The following FAM227A variants were observed in gnomAD, a reference collection of about 807,000 sequenced individuals.
FAM227A encodes family with sequence similarity 227 member A.
Under a neutral mutation model 74.7 loss-of-function variants are expected in FAM227A, and 80 were observed. The observed-to-expected ratio is 1.07, with a 90% CI of 0.89 to 1.29. The LOEUF (loss-of-function observed/expected upper bound fraction) is 1.29, where lower values mean the gene tolerates loss of function less well. FAM227A is among the 50% of genes most tolerant of loss of function. The pLI is 0.00. For synonymous variants in FAM227A, 237 were observed against 241.8 expected, an observed-to-expected ratio of 0.98 and a Z score of 0.19; for missense variants, 654 against 683.4, an observed-to-expected ratio of 0.96 and a Z score of 0.48.
intron 1 of FAM227A, among the ~76,000 whole-genome samples, chr22:38,654,817 G>C (rs905847968): frequency 6.0e-5 from 9 of 150,824 alleles, no homozygotes; most frequent in African/African-American, 2.2e-4. Context: ...GCTTGGTGGC[G>C]GGCGCCTGTA....
At chr22:38,591,353 A>T in intron 16 of FAM227A, 82 bp downstream of exon 16, 1 of 1,485,868 alleles carries the variant, frequency 6.7e-7, no homozygotes, top group Non-Finnish European at 8.9e-7. Flanking sequence ...AATAATTATT[A>T]TTCTTACATG....
chr22:38,627,606 TG>T (rs1048088874), intron 8 of FAM227A, among the ~76,000 whole-genome samples: 62 of 150,942 alleles, frequency 4.1e-4, no homozygotes, highest in African/African-American at 1.4e-3. Flanking sequence ...GTTTTTTTTT[TG>T]TTTGTTTGTT....
At chr22:38,604,742 C>T (rs2091248893) in intron 13 of FAM227A, among the ~76,000 whole-genome samples, 1 of 152,164 alleles carries the variant, frequency 6.6e-6, no homozygotes, top group Non-Finnish European at 1.5e-5. Context: ...CAACATCCGC[C>T]TCCCAGGTTC....
rs1030669743 is a variant in FAM227A at position 38,578,799 on chromosome 22, A to G, written c.*7326T>C. 3 of 152,258 alleles carry G rather than the reference A, an allele frequency of 2.0e-5. No individual in the cohort carries two copies. The highest frequency in any genetic ancestry group is 4.4e-5 in the Non-Finnish European group (3 of 68,068). 9.4% of individuals were successfully genotyped at this position (152,258 alleles called of 1,614,324 possible). On this transcript the variant is annotated 3_prime_UTR_variant, in exon 17 of 17. Transcript: ENST00000535113. ...ACAGAGGCTTATTTGGGGAACTGCAAGTGGTTCTGGTGGAGGATTTTAATT... is the reference window on the plus strand; with the variant it reads ...ACAGAGGCTTATTTGGGGAACTGCAGGTGGTTCTGGTGGAGGATTTTAATT...
chr22:38,588,865 T>C (rs1467693369), intron 16 of FAM227A, among the ~76,000 whole-genome samples: 2 of 147,478 alleles, frequency 1.4e-5, no homozygotes, highest in African/African-American at 5.0e-5. Flanking sequence ...GAGGCGGAGG[T>C]TGCAGTGAGC....
rs560341152 is a variant in FAM227A at position 38,642,141 on chromosome 22, A to G, written c.226-2417T>C. On this transcript the variant is annotated intron_variant, in intron 3 of 16. Coordinates refer to ENST00000535113, the MANE Select transcript of FAM227A (RefSeq NM_001013647.2). ...TAATAAGTAAAGCTGAATAAACTGA[A>G]AAATCAACAACTCTTCTTAGATCAT... 4.8e-4 allele frequency among the ~76,000 whole-genome samples: 73 copies of G among 152,362 alleles called. 2 individuals are homozygous for G. The South Asian group carries it at 0.015, about 31-fold the overall frequency.
chr22:38,636,775 T>C (rs1453323109), intron 5 of FAM227A, among the ~76,000 whole-genome samples, 178 bp from the exon 6 acceptor site: 3 of 150,102 alleles, frequency 2.0e-5, no homozygotes, highest in Middle Eastern at 3.5e-3. Context: ...TATTTCTTTT[T>C]TTTTTTTTTT....
intron 8 of FAM227A, 28 bp from the exon 9 acceptor site, chr22:38,626,331 G>A (rs774616530): frequency 1.2e-5 from 18 of 1,542,282 alleles, no homozygotes; most frequent in South Asian, 4.9e-5. Context: ...CTCAGGCAAC[G>A]TTCTCAACAT....
At chr22:38,626,891 A>AATATATATAT (rs1555966997) in intron 8 of FAM227A, among the ~76,000 whole-genome samples, 35 of 57,676 alleles carry the variant, frequency 6.1e-4, no homozygotes, top group African/African-American at 9.6e-4. Flanking sequence ...AAAAAAAAAA[A>AATATATATAT]ATATATATAT....
chr22:38,643,089 TGG>T (rs2145693795), intron 3 of FAM227A, among the ~76,000 whole-genome samples: 1 of 150,322 alleles, frequency 6.7e-6, no homozygotes, highest in South Asian at 2.1e-4. Context: ...CCGAGGCGGG[TGG>T]AACACCTGAG....
intron 3 of FAM227A, among the ~76,000 whole-genome samples, chr22:38,643,315 CAA>C (rs71326719): frequency 3.1e-5 from 4 of 127,318 alleles, no homozygotes; most frequent in African/African-American, 2.9e-5. Context: ...GATTCTGTCT[CAA>C]AAAAAAAAAA....
chr22:38,602,638 G>A (rs534325021), intron 13 of FAM227A, among the ~76,000 whole-genome samples: 1 of 152,068 alleles, frequency 6.6e-6, no homozygotes, highest in Non-Finnish European at 1.5e-5. Context: ...TGCTACTGAC[G>A]ACAGACAGCA....
Position 38,649,989 on chromosome 22 carries a change from A to G in FAM227A, c.142+38T>C, listed in dbSNP as rs1189681938. Reference sequence around the variant, plus strand: ...CTGTGGCATGACTCAAGTTAGGTGTATTTGGTCTGATTGTAGGTGACATCA... The same window carrying G: ...CTGTGGCATGACTCAAGTTAGGTGTGTTTGGTCTGATTGTAGGTGACATCA... On this transcript the variant is annotated intron_variant, in intron 2 of 16. Transcript: ENST00000535113. 18 of 1,548,106 alleles carry G rather than the reference A, an allele frequency of 1.2e-5. No individual in the cohort carries two copies. In the Admixed American group the frequency reaches 3.5e-4, roughly 30 times the overall value.
chr22:38,620,225 A>G lies in FAM227A; in HGVS notation c.1025T>C (p.Phe342Ser). 6.4e-7 allele frequency: 1 copy of G among 1,551,202 alleles called. No individual in the cohort carries two copies. The highest frequency in any genetic ancestry group is 8.7e-7 in the Non-Finnish European group (1 of 1,146,720). The change falls in exon 11 of 17, where the codon TTC becomes TCC. Residue 342 changes from phenylalanine (F) to serine (S), a missense_variant. Phe to Ser is a radical substitution (Grantham distance 155, BLOSUM62 -2). Coordinates refer to ENST00000535113, the MANE Select transcript of FAM227A (RefSeq NM_001013647.2). ...FSQKPAQSRK[F>S]YHPQSSSANS... is the part of the protein sequence containing the mutation. ...CTCCCCACTTACCTGAGGGTGGTAG[A>G]ATTTCCTGCTCTGGGCTGGCTTCTG...
chr22:38,613,267 ATATAT>A (rs1258083154), intron 11 of FAM227A, among the ~76,000 whole-genome samples: 28 of 83,796 alleles, frequency 3.3e-4, no homozygotes, highest in East Asian at 2.3e-3. Context: ...ATATTATAAC[ATATAT>A]TATATATCAT....
At chr22:38,636,040 A>AAG (rs1008461556) in intron 6 of FAM227A, among the ~76,000 whole-genome samples, 6 of 150,724 alleles carry the variant, frequency 4.0e-5, no homozygotes, top group Non-Finnish European at 7.4e-5. Context: ...GAGAAAGAGA[A>AAG]AGAGAGAGAA....
chr22:38,655,603 A>G (rs2092382011), intron 1 of FAM227A, among the ~76,000 whole-genome samples: 1 of 152,214 alleles, frequency 6.6e-6, no homozygotes, highest in Non-Finnish European at 1.5e-5. Context: ...TTTTGGACAT[A>G]TGGAGTTTAA....
At chr22:38,597,096 G>T in intron 15 of FAM227A, 108 bp downstream of exon 15, 1 of 976,570 alleles carries the variant, frequency 1.0e-6, no homozygotes. Context: ...TGCTTATGAT[G>T]GTTACAGGAA....
rs1416973978 is a variant in FAM227A at position 38,650,020 on chromosome 22, A to C, written c.142+7T>G. On this transcript the variant is annotated splice_region_variant and intron_variant, in intron 2 of 16. Coordinates refer to ENST00000535113, the MANE Select transcript of FAM227A (RefSeq NM_001013647.2). Reference sequence around the variant, plus strand: ...TCTGATTGTAGGTGACATCACCAGAAGGATACAGGGTGGATTGTTCTCTAA... The same window carrying C: ...TCTGATTGTAGGTGACATCACCAGACGGATACAGGGTGGATTGTTCTCTAA... The C allele has an allele frequency of 7.1e-6, 11 of 1,552,128 alleles. No homozygotes were observed. Among genetic ancestry groups the C allele is most frequent in the Non-Finnish European group, 9.6e-6 (11 of 1,147,040 alleles).
Sources: allele counts gnomAD v4.1 joint callset (sites outside exome capture counted in the v4.1 genomes callset), GRCh38; gene constraint gnomAD v4.1.1; transcripts MANE v1.5; gene names NCBI Gene and HGNC (gene_info 2026-07-23, HGNC 2026-07-21).